Variants in PCDH7 observed in about 807,000 individuals in gnomAD.
PCDH7 encodes the protein protocadherin 7.
A neutral mutation model predicts 58.9 loss-of-function variants in PCDH7; 17 were observed. The ratio of observed to expected loss-of-function variants is 0.29; its 90% CI spans 0.20 to 0.43. The LOEUF is 0.43. Ranked by LOEUF, PCDH7 falls within the 20% of genes least tolerant of loss-of-function variation. The pLI is 1.00. For missense variants in PCDH7, 1,274 were observed against 1,441.0 expected (o/e 0.88, Z 1.88); for synonymous variants, 664 against 616.4 (o/e 1.08, Z -1.14).
At chr4:31,126,816 A>G (rs905430744) in intron 3 of PCDH7, among the ~76,000 whole-genome samples, 1 of 152,172 alleles carries the variant, frequency 6.6e-6, no homozygotes, top group Non-Finnish European at 1.5e-5. Context: ...CTCTTTAGTG[A>G]TGATTTCTAT....
At chr4:31,031,776 A>G (rs1040372261) in intron 3 of PCDH7, among the ~76,000 whole-genome samples, 4 of 152,240 alleles carry the variant, frequency 2.6e-5, no homozygotes, top group South Asian at 2.1e-4. Context: ...CTAACTCTTT[A>G]GAAGAATATT....
chr4:30,763,341 T>C (rs1190154150), intron 1 of PCDH7, among the ~76,000 whole-genome samples: 1 of 152,226 alleles, frequency 6.6e-6, no homozygotes, highest in African/African-American at 2.4e-5. Context: ...CTCAGAAACA[T>C]ATTGCTATAA....
intron 3 of PCDH7, among the ~76,000 whole-genome samples, chr4:30,995,640 C>A (rs1234953833): frequency 1.3e-5 from 2 of 152,148 alleles, no homozygotes; most frequent in East Asian, 3.9e-4. Flanking sequence ...GTTCGGAAGT[C>A]CAAAGTGTAT....
chr4:31,126,146 G>C, intron 3 of PCDH7, among the ~76,000 whole-genome samples: 1 of 55,816 alleles, frequency 1.8e-5, no homozygotes, highest in South Asian at 5.7e-4. Flanking sequence ...TTTTTTTTTT[G>C]ATACAGAATC....
chr4:30,947,388 C>G (rs985656750), intron 2 of PCDH7, among the ~76,000 whole-genome samples: 1 of 152,096 alleles, frequency 6.6e-6, no homozygotes, highest in Non-Finnish European at 1.5e-5. Context: ...TCATAGGGAT[C>G]ATTTTCCCTT....
chr4:30,854,284 C>T (rs1733160355), intron 1 of PCDH7, among the ~76,000 whole-genome samples: 1 of 147,852 alleles, frequency 6.8e-6, no homozygotes, highest in East Asian at 2.0e-4. Flanking sequence ...TAACTGCATC[C>T]CTGGCCCTAC....
At chr4:31,022,209 T>C (rs1256303201) in intron 3 of PCDH7, among the ~76,000 whole-genome samples, 1 of 152,192 alleles carries the variant, frequency 6.6e-6, no homozygotes, top group Non-Finnish European at 1.5e-5. Context: ...GGATTAATAA[T>C]AATTTTTAAA....
intron 3 of PCDH7, among the ~76,000 whole-genome samples, chr4:31,049,682 G>A (rs2109218191): frequency 6.6e-6 from 1 of 152,166 alleles, no homozygotes; most frequent in East Asian, 1.9e-4. Context: ...GCCTTCATCA[G>A]GGCCCTGTTT....
intron 3 of PCDH7, among the ~76,000 whole-genome samples, chr4:30,951,010 C>G (rs1430553333): frequency 1.3e-5 from 2 of 152,158 alleles, no homozygotes; most frequent in South Asian, 4.1e-4. Flanking sequence ...CTCCCAGCTC[C>G]TGCAGGGGCT....
chr4:30,799,567 T>G (rs2109305119), intron 1 of PCDH7, among the ~76,000 whole-genome samples: 1 of 152,340 alleles, frequency 6.6e-6, no homozygotes. Flanking sequence ...CTTTATCATG[T>G]ACTTTCTTAC....
intron 1 of PCDH7, among the ~76,000 whole-genome samples, chr4:30,915,281 C>G (rs1416586645): frequency 1.3e-5 from 2 of 152,080 alleles, no homozygotes; most frequent in East Asian, 3.9e-4. Flanking sequence ...CTCTATTTCT[C>G]CATTGATTGA....
intron 1 of PCDH7, among the ~76,000 whole-genome samples, chr4:30,895,504 C>A (rs1263058947): frequency 6.6e-6 from 1 of 152,192 alleles, no homozygotes; most frequent in Non-Finnish European, 1.5e-5. Flanking sequence ...CTCACCATTG[C>A]CCCTACCTGC....
intron 1 of PCDH7, among the ~76,000 whole-genome samples, chr4:30,814,472 A>G (rs1727422362): frequency 6.6e-6 from 1 of 152,054 alleles, no homozygotes. Flanking sequence ...TATTAAATGC[A>G]GTATTGCCTC....
intron 3 of PCDH7, among the ~76,000 whole-genome samples, chr4:31,032,493 A>C (rs2109188696): frequency 6.6e-6 from 1 of 151,938 alleles, no homozygotes; most frequent in East Asian, 1.9e-4. Context: ...CTGTAATCCC[A>C]GCTATCCAGG....
intron 2 of PCDH7, among the ~76,000 whole-genome samples, chr4:30,926,682 G>A (rs1274771659): frequency 1.3e-5 from 2 of 152,122 alleles, no homozygotes; most frequent in Non-Finnish European, 2.9e-5. Context: ...ATATAGCAAG[G>A]ACCTAAAATG....
chr4:30,773,199 A>G (rs1721636849), intron 1 of PCDH7, among the ~76,000 whole-genome samples: 1 of 152,190 alleles, frequency 6.6e-6, no homozygotes, highest in Non-Finnish European at 1.5e-5. Context: ...TACCACACCC[A>G]GCCTACTTTC....
rs575047832 is a variant in PCDH7 at position 30,949,840 on chromosome 4, C to T, written c.288-280C>T. Among the ~76,000 whole-genome samples the T allele has an allele frequency of 7.9e-5, 12 of 152,020 alleles. No homozygotes were observed. The East Asian group carries it at 2.1e-3, about 27-fold the overall frequency. ...GTTATGCCCATATGTGAAGGTCCTG[C>T]CTAGTTAAAAAATGAGGATAAAATG... is the stretch of plus-strand genomic sequence containing the variant. On this transcript the variant is annotated intron_variant, in intron 2 of 3. Coordinates refer to the PCDH7 transcript ENST00000509759.
intron 1 of PCDH7, among the ~76,000 whole-genome samples, chr4:30,773,611 C>T (rs548117812): frequency 1.1e-4 from 16 of 152,084 alleles, no homozygotes; most frequent in African/African-American, 2.9e-4. Flanking sequence ...AGAAGTCATC[C>T]GCAACTTCCA....
At chr4:30,740,105 C>T (rs1260799358) in intron 1 of PCDH7, among the ~76,000 whole-genome samples, 1 of 152,118 alleles carries the variant, frequency 6.6e-6, no homozygotes, top group African/African-American at 2.4e-5. Context: ...CATGGTCACA[C>T]AATTTGTAAA....
Sources: gnomAD v4.1 joint callset for allele counts (sites outside exome capture counted in the v4.1 genomes callset) on GRCh38, gnomAD v4.1.1 for gene constraint, MANE v1.5 for transcripts, NCBI Gene and HGNC (gene_info 2026-07-23, HGNC 2026-07-21) for gene names.